The following NOP58 variants were observed in gnomAD, a reference collection of about 807,000 sequenced individuals.
NOP58 encodes the protein nucleolar protein 58.
In NOP58, 44 loss-of-function variants were observed where a neutral mutation model predicts 71.2. The observed-to-expected ratio is 0.62, with a 90% CI of 0.49 to 0.79. The LOEUF (loss-of-function observed/expected upper bound fraction) is 0.79. Among genes scored for constraint, NOP58 ranks in the 30% least tolerant of loss-of-function variants. NOP58 has a pLI of 0.00. For missense variants in NOP58, 538 were observed against 620.2 expected, an observed-to-expected ratio of 0.87 and a Z score of 1.41; for synonymous variants, 228 against 200.3, an observed-to-expected ratio of 1.14 and a Z score of -1.17.
intron 1 of NOP58, among the ~76,000 whole-genome samples, chr2:202,272,190 C>A (rs1195521091): frequency 1.6e-5 from 2 of 122,498 alleles, no homozygotes; most frequent in Non-Finnish European, 3.2e-5. Context: ...GTCTTGCTGT[C>A]GCCCAGGCTG....
intron 7 of NOP58, 70 bp downstream of exon 7, chr2:202,290,527 A>G (rs1430427655): frequency 1.6e-5 from 22 of 1,356,542 alleles, no homozygotes; most frequent in South Asian, 9.4e-5. Flanking sequence ...AACATGACGT[A>G]TAGCATTTTG....
At chr2:202,301,181 T>TC (rs922081068) in intron 13 of NOP58, among the ~76,000 whole-genome samples, 3 of 151,812 alleles carry the variant, frequency 2.0e-5, no homozygotes, top group African/African-American at 7.3e-5. Context: ...TCCCACAATT[T>TC]CCCCCCTCTT....
intron 12 of NOP58, among the ~76,000 whole-genome samples, chr2:202,298,248 C>G (rs1241979225): frequency 6.6e-6 from 1 of 152,164 alleles, no homozygotes; most frequent in African/African-American, 2.4e-5. Context: ...TAGTTTTCCG[C>G]ATTAACTTCT....
At chr2:202,271,743 G>T (rs1469447853) in intron 1 of NOP58, among the ~76,000 whole-genome samples, 1 of 152,142 alleles carries the variant, frequency 6.6e-6, no homozygotes, top group Non-Finnish European at 1.5e-5. Flanking sequence ...AGAAGTTAGA[G>T]ATCAGCCTGG....
intron 5 of NOP58, among the ~76,000 whole-genome samples, chr2:202,287,366 C>CA (rs1421405618): frequency 6.6e-6 from 1 of 151,944 alleles, no homozygotes; most frequent in African/African-American, 2.4e-5. Context: ...ACGCCCAGTC[C>CA]AATATGACTT....
At position 202,302,976 on chromosome 2, in the gene NOP58, G is replaced by C. The variant is rs747990514; in HGVS notation, c.1458G>C (p.Lys486Asn). 32 of 1,611,420 alleles carry C rather than the reference G, an allele frequency of 2.0e-5. 1 individual carries two copies. The South Asian group carries it at 3.5e-4, about 18-fold the overall frequency. Residue 486 changes from lysine (K) to asparagine (N), a missense_variant, in exon 14 of 15, where the codon AAG (lysine) becomes AAC (asparagine). By Grantham distance (94) the Lys-to-Asn change is moderately conservative. Transcript: ENST00000264279. ...VAEEEETSVK[K>N]KKKRGKKKHI... is the part of the protein sequence containing the mutation. ...AAGAAGAAGAAACATCTGTGAAGAA[G>C]AAGAAGAAAAGGGGTAAAAAGAAAC...
intron 6 of NOP58, among the ~76,000 whole-genome samples, chr2:202,287,992 T>TA (rs1264754663): frequency 2.0e-5 from 3 of 152,142 alleles, no homozygotes; most frequent in Non-Finnish European, 1.5e-5. Context: ...CGTGTACCTA[T>TA]AATCCCAGCT....
chr2:202,272,149 ATTTTTTTT>A (rs570916461), intron 1 of NOP58, among the ~76,000 whole-genome samples: 1 of 111,166 alleles, frequency 9.0e-6, no homozygotes, highest in South Asian at 2.8e-4. Flanking sequence ...CTGATGTATA[ATTTTTTTT>A]TTTTTTTTTT....
intron 3 of NOP58, among the ~76,000 whole-genome samples, chr2:202,279,709 A>C (rs536962292): frequency 6.6e-6 from 1 of 152,282 alleles, no homozygotes; most frequent in East Asian, 1.9e-4. Flanking sequence ...CAGGAGAAAC[A>C]CTTGAACCTG....
chr2:202,293,062 T>C (rs775438181), intron 9 of NOP58, 159 bp downstream of exon 9: 1 of 822,778 alleles, frequency 1.2e-6, no homozygotes, highest in Admixed American at 1.7e-5. Flanking sequence ...TGTTCAATGA[T>C]GATTTCTATT....
chr2:202,269,340 A>AT (rs201564474), intron 1 of NOP58, among the ~76,000 whole-genome samples: 130,962 of 135,352 alleles, frequency 0.97, 63,417 homozygotes, highest in South Asian at 0.99. Context: ...CCTGGCCTAA[A>AT]TTTTTTTTTT....
rs577897156 is a variant in NOP58, at chr2:202,270,753, A to C, written c.46-4360A>C. Among the ~76,000 whole-genome samples, 8 of 152,250 alleles carry C rather than the reference A, an allele frequency of 5.3e-5. No individual in the cohort carries two copies. In the East Asian group the frequency reaches 1.2e-3, roughly 22 times the overall value. On this transcript the variant is annotated intron_variant, in intron 1 of 14. Transcript: ENST00000264279. ...CAACAGAGTGAGACCTCATCTCAAA[A>C]CAAAACAAAAACCACACAAAGTCTC...
intron 1 of NOP58, among the ~76,000 whole-genome samples, chr2:202,269,615 G>A (rs1260337999): frequency 6.6e-6 from 1 of 152,084 alleles, no homozygotes; most frequent in Admixed American, 6.6e-5. Context: ...AGTGGCTCAC[G>A]CCTGTAACCC....
At position 202,303,626 on chromosome 2, in the gene NOP58, C is replaced by A; in HGVS notation, c.*190C>A. 3.7e-6 allele frequency: 2 copies of A among 542,858 alleles called. No homozygotes were observed. The highest frequency in any genetic ancestry group is 5.8e-6 in the Non-Finnish European group (2 of 345,690). 33.6% of individuals were successfully genotyped at this position (542,858 alleles called of 1,614,324 possible). On this transcript the variant is annotated 3_prime_UTR_variant, in exon 15 of 15. Transcript: ENST00000264279. ...ACCTTATGTCATCATTTCTTAGAGT[C>A]TTTGATATACAAATAAAATTTTCTT... is the stretch of plus-strand genomic sequence containing the variant.
Position 202,265,795 on chromosome 2 carries a change from G to A in NOP58, c.-147G>A, listed in dbSNP as rs1559257126. ...CAGTACAGCGTGGAGGGTTTAGGCAGCGTGTTCTGATTCTTTGCGGGACGG... is the reference window on the plus strand; with the variant it reads ...CAGTACAGCGTGGAGGGTTTAGGCAACGTGTTCTGATTCTTTGCGGGACGG... On this transcript the variant is annotated 5_prime_UTR_variant, in exon 1 of 15. Coordinates refer to ENST00000264279, the MANE Select transcript of NOP58 (RefSeq NM_015934.5). 1.3e-6 allele frequency: 1 copy of A among 792,770 alleles called. No individual in the cohort carries two copies. The highest frequency in any genetic ancestry group is 1.7e-5 in the African/African-American group (1 of 59,232). The allele number at this position is 792,770 out of a possible 1,614,324, so 49.1% of individuals were successfully genotyped here.
At chr2:202,284,533 A>G in intron 5 of NOP58, 52 bp downstream of exon 5, 1 of 1,574,670 alleles carries the variant, frequency 6.4e-7, no homozygotes, top group Non-Finnish European at 8.7e-7. Context: ...ATAAGCGCTT[A>G]ACATAGATCT....
In NOP58 at chr2:202,291,185, C is replaced by G. The variant is rs1223475565; in HGVS notation, c.695C>G (p.Ala232Gly). The G allele has an allele frequency of 5.0e-6, 8 of 1,612,980 alleles. No homozygotes were observed. The highest frequency in any genetic ancestry group is 6.8e-6 in the Non-Finnish European group (8 of 1,179,532). The part of the protein sequence containing the change: ...LSELLPEEVE[A>G]EVKAAAEISM... ...GAGTTGCTGCCAGAAGAAGTTGAAGCAGAAGTGAAAGCAGCTGCAGAGATA... is the reference window on the plus strand; with the variant it reads ...GAGTTGCTGCCAGAAGAAGTTGAAGGAGAAGTGAAAGCAGCTGCAGAGATA... The change falls in exon 8 of 15, where the codon GCA becomes GGA. Residue 232 changes from alanine to glycine, a missense_variant. Transcript: ENST00000264279.
intron 3 of NOP58, 197 bp downstream of exon 3, chr2:202,278,199 T>A: frequency 1.5e-6 from 1 of 668,424 alleles, no homozygotes; most frequent in Non-Finnish European, 2.8e-6. Context: ...TGAGTTAGCT[T>A]TTTTCACCAT....
chr2:202,297,390 G>T lies in NOP58; in HGVS notation c.1083G>T (p.Met361Ile). The change falls in exon 11 of 15, where the codon ATG becomes ATT. Residue 361 changes from methionine (M) to isoleucine (I), a missense_variant. Transcript: ENST00000264279. ...TGTTTTTCTATTAGATTTCTCGAATGCTGGCAGCCAAAACCGTTTTGGCTA... is the reference window on the plus strand; with the variant it reads ...TGTTTTTCTATTAGATTTCTCGAATTCTGGCAGCCAAAACCGTTTTGGCTA... ...SPKHKGKISR[M>I]LAAKTVLAIR... 6.2e-7 allele frequency: 1 copy of T among 1,611,978 alleles called. No homozygotes were observed. Among genetic ancestry groups the T allele is most frequent in the South Asian group, 1.1e-5 (1 of 90,588 alleles).
Sources: allele counts gnomAD v4.1 joint callset (sites outside exome capture counted in the v4.1 genomes callset), GRCh38; gene constraint gnomAD v4.1.1; transcripts MANE v1.5; gene names NCBI Gene and HGNC (gene_info 2026-07-23, HGNC 2026-07-21).